Variants in PIK3C3 observed in about 807,000 individuals in gnomAD.
PIK3C3 encodes phosphatidylinositol 3-kinase catalytic subunit type 3, also known as PI3-kinase type 3.
In PIK3C3, 95 loss-of-function variants were observed where a neutral mutation model predicts 126.1. The observed-to-expected ratio is 0.75, with a 90% confidence interval of 0.64 to 0.89. PIK3C3 has a LOEUF of 0.89. PIK3C3 is among the 40% of genes least tolerant of loss of function. PIK3C3 has a pLI of 0.00. For synonymous variants in PIK3C3, 374 were observed against 360.0 expected, an observed-to-expected ratio of 1.04 and a Z score of -0.44; for missense variants, 829 against 1,063.2, an observed-to-expected ratio of 0.78 and a Z score of 3.06.
At chr18:42,053,029 A>C (rs1265333836) in intron 21 of PIK3C3, 1 of 152,164 alleles carries the variant, frequency 6.6e-6, no homozygotes, top group Non-Finnish European at 1.5e-5. Context: ...TTTGAATTTC[A>C]ATCAGACTTC....
At chr18:41,957,880 T>A (rs1396896552) in intron 2 of PIK3C3, 122 bp downstream of exon 2, 1 of 642,484 alleles carries the variant, frequency 1.6e-6, no homozygotes, top group Non-Finnish European at 2.6e-6. Context: ...ATTGATCAAA[T>A]CATTTGAAGT....
intron 11 of PIK3C3, among the ~76,000 whole-genome samples, chr18:42,014,243 A>T (rs1459428491): frequency 2.0e-5 from 3 of 151,828 alleles, no homozygotes; most frequent in Non-Finnish European, 2.9e-5. Flanking sequence ...AAATGGATGA[A>T]ATAGAAGGAC....
At chr18:42,003,147 A>C (rs767072182) in intron 9 of PIK3C3, among the ~76,000 whole-genome samples, 2 of 152,208 alleles carry the variant, frequency 1.3e-5, no homozygotes, top group Admixed American at 6.5e-5. Context: ...TCTTAATAAA[A>C]TCAAGAATAA....
intron 22 of PIK3C3, among the ~76,000 whole-genome samples, chr18:42,063,754 T>C (rs1316205142): frequency 6.6e-6 from 1 of 152,132 alleles, no homozygotes. Flanking sequence ...ATTATTATCA[T>C]TATAGATAGG....
chr18:42,050,475 G>A (rs916962998), intron 21 of PIK3C3: 2 of 152,150 alleles, frequency 1.3e-5, no homozygotes, highest in African/African-American at 4.8e-5. Flanking sequence ...ATGGCCAGTT[G>A]TAAAAGGTTG....
intron 9 of PIK3C3, among the ~76,000 whole-genome samples, chr18:42,001,232 C>A (rs1982271830): frequency 6.6e-6 from 1 of 152,092 alleles, no homozygotes. Flanking sequence ...TGATAATAAA[C>A]TATTTACTAT....
chr18:41,984,027 T>C (rs1049972559), intron 4 of PIK3C3, among the ~76,000 whole-genome samples: 1 of 151,812 alleles, frequency 6.6e-6, no homozygotes, highest in Admixed American at 6.6e-5. Context: ...TTAAGAAACC[T>C]GTGTTCCTTT....
At chr18:42,038,945 A>T (rs1984184211) in intron 18 of PIK3C3, 95 bp downstream of exon 18, 3 of 736,856 alleles carry the variant, frequency 4.1e-6, no homozygotes, top group African/African-American at 3.7e-5. Context: ...GATACAAATA[A>T]ATTCCATTTG....
intron 21 of PIK3C3, among the ~76,000 whole-genome samples, chr18:42,054,143 T>G (rs1984935321): frequency 6.3e-5 from 1 of 15,860 alleles, no homozygotes; most frequent in Non-Finnish European, 1.2e-4. Flanking sequence ...TATATATATA[T>G]ATATATATAT....
Position 42,084,580 on chromosome 18 carries a change from C to CA in PIK3C3, c.*3446dup, listed in dbSNP as rs1986353968. 4 of 32,374 alleles carry CA rather than the reference C, an allele frequency of 1.2e-4. No homozygotes were observed. The highest frequency in any genetic ancestry group is 3.6e-4 in the Admixed American group (1 of 2,782). The allele number at this position is 32,374 out of a possible 1,614,324, so 2.0% of individuals were successfully genotyped here. A position where few individuals can be genotyped will look rare whatever the true frequency, so the allele number is the denominator to read the frequency against. On this transcript the variant is annotated 3_prime_UTR_variant, in exon 25 of 25. Coordinates refer to ENST00000262039, the MANE Select transcript of PIK3C3 (RefSeq NM_002647.4). Reference sequence around the variant, plus strand: ...GAATATAGTATAGAGTAGCTAAAAACAAACCAAAAAAAAAAAAAAAAAAAA... The same window carrying CA: ...GAATATAGTATAGAGTAGCTAAAAACAAAACCAAAAAAAAAAAAAAAAAAAA...
chr18:42,074,174 T>C (rs1985887821), intron 24 of PIK3C3, among the ~76,000 whole-genome samples: 1 of 152,170 alleles, frequency 6.6e-6, no homozygotes, highest in South Asian at 2.1e-4. Flanking sequence ...CCTAGTCTGT[T>C]AGTCTTAAAT....
At chr18:42,036,747 T>G (rs1047416612) in intron 16 of PIK3C3, among the ~76,000 whole-genome samples, 1 of 152,082 alleles carries the variant, frequency 6.6e-6, no homozygotes, top group African/African-American at 2.4e-5. Flanking sequence ...GATACAGATA[T>G]TTGAGATCTC....
intron 20 of PIK3C3, among the ~76,000 whole-genome samples, chr18:42,048,781 A>C (rs1984665976): frequency 6.6e-6 from 1 of 152,168 alleles, no homozygotes; most frequent in Non-Finnish European, 1.5e-5. Context: ...ACATGGGCTG[A>C]AATAAACAGG....
intron 4 of PIK3C3, among the ~76,000 whole-genome samples, chr18:41,981,369 C>A (rs1190293164): frequency 1.3e-5 from 2 of 152,218 alleles, no homozygotes; most frequent in African/African-American, 4.8e-5. Context: ...AATAGTAAGA[C>A]ACTTTTAAGA....
intron 24 of PIK3C3, among the ~76,000 whole-genome samples, chr18:42,079,280 G>A (rs1986149421): frequency 6.6e-6 from 1 of 152,108 alleles, no homozygotes; most frequent in Admixed American, 6.6e-5. Context: ...GGCTTAAAGA[G>A]AAGAAGAGAG....
At chr18:42,042,304 T>C (rs1984357713) in intron 19 of PIK3C3, among the ~76,000 whole-genome samples, 1 of 152,226 alleles carries the variant, frequency 6.6e-6, no homozygotes, top group Non-Finnish European at 1.5e-5. Flanking sequence ...AGGATGCCTA[T>C]GTATGAATTT....
chr18:42,027,369 A>T, intron 13 of PIK3C3, 74 bp from the exon 14 acceptor site: 1 of 735,196 alleles, frequency 1.4e-6, no homozygotes, highest in South Asian at 1.9e-5. Context: ...TGTTTTAGTG[A>T]AATGATATGA....
At chr18:42,012,644 G>A (rs1457118942) in intron 10 of PIK3C3, among the ~76,000 whole-genome samples, 2 of 152,090 alleles carry the variant, frequency 1.3e-5, no homozygotes, top group African/African-American at 2.4e-5. Context: ...GAGAAATACT[G>A]GAAGCATTTC....
chr18:42,014,404 G>A (rs917534944), intron 11 of PIK3C3, among the ~76,000 whole-genome samples: 2 of 152,106 alleles, frequency 1.3e-5, no homozygotes, highest in African/African-American at 4.8e-5. Flanking sequence ...GTTCCCAAAT[G>A]TATATCTGAC....
Sources: allele counts gnomAD v4.1 joint callset (sites outside exome capture counted in the v4.1 genomes callset), GRCh38; gene constraint gnomAD v4.1.1; transcripts MANE v1.5; gene names NCBI Gene and HGNC (gene_info 2026-07-23, HGNC 2026-07-21).